Variants in MYH6 observed in about 807,000 individuals in gnomAD.
The protein encoded by MYH6 is myosin-6.
A neutral mutation model predicts 223.2 loss-of-function variants in MYH6; 126 were observed. That is an observed-to-expected ratio of 0.56 (90% CI 0.49 to 0.65). MYH6 has a LOEUF of 0.65. MYH6 is among the 30% of genes least tolerant of loss of function. The pLI, the probability that MYH6 is intolerant of heterozygous loss-of-function variation, is 0.00. For missense variants in MYH6, 2,040 were observed against 2,536.4 expected (o/e 0.80, Z 4.20); for synonymous variants, 978 against 1,010.2 (o/e 0.97, Z 0.61).
chr14:23,388,189 G>A lies in MYH6; in HGVS notation c.4325C>T (p.Ala1442Val), dbSNP rs141534763. 23 of 1,612,334 alleles carry A rather than the reference G, an allele frequency of 1.4e-5. No individual in the cohort carries two copies. In the East Asian group the frequency reaches 4.7e-4, roughly 33 times the overall value. ...GTTTCTCTGCTTCTTGTCCAGGGCT[G>A]CAGCAGCAGCATTGGAGCGCTCTAC... ...VDVERSNAAA[A>V]ALDKKQRNFD... is the part of the protein sequence containing the mutation. The change falls in exon 30 of 39, where the codon GCA becomes GTA. Residue 1442 changes from alanine to valine, a missense_variant. By Grantham distance (64) the Ala-to-Val change is moderately conservative. This residue lies in a region of MYH6 where 1,203 missense variants were observed against 1,400.2 expected (regional missense o/e 0.86). Coordinates refer to ENST00000405093, the MANE Select transcript of MYH6 (RefSeq NM_002471.4).
chr14:23,384,615 G>A lies in MYH6; in HGVS notation c.5392C>T (p.Arg1798Trp), dbSNP rs767251436. The change falls in exon 36 of 39, where the codon CGG becomes TGG. Residue 1798 changes from arginine (R) to tryptophan (W), a missense_variant. By Grantham distance (101) the Arg-to-Trp change is moderately radical. This residue lies in a region of MYH6 where 1,203 missense variants were observed against 1,400.2 expected (regional missense o/e 0.86). Coordinates refer to ENST00000405093, the MANE Select transcript of MYH6 (RefSeq NM_002471.4). ...GCGATCTGCTCGGCCTCGTCCAGCC[G>A]GTGCTGCAGGTCCTTAATGGTCTGC... ...MEQTIKDLQH[R>W]LDEAEQIALK... is the part of the protein sequence containing the mutation. The A allele has an allele frequency of 7.4e-6, 12 of 1,613,900 alleles. No homozygotes were observed. The highest frequency in any genetic ancestry group is 1.7e-4 in the Middle Eastern group (1 of 5,796).
intron 25 of MYH6, 93 bp from the exon 26 acceptor site, chr14:23,390,539 C>T: frequency 6.5e-7 from 1 of 1,546,722 alleles, no homozygotes; most frequent in Non-Finnish European, 8.7e-7. Context: ...TTAGGTTCCT[C>T]TCAAGCAGTG....
In MYH6 at chr14:23,388,148, G is replaced by T; in HGVS notation, c.4359+7C>A. The stretch of plus-strand genomic sequence containing the variant: ...CATGCTGGCTGCGGCCCCCGCCCAT[G>T]GTCCACCTTGTCAAAGTTTCTCTGC... On this transcript the variant is annotated splice_region_variant and intron_variant, in intron 30 of 38. Coordinates refer to ENST00000405093, the MANE Select transcript of MYH6 (RefSeq NM_002471.4). 6.2e-7 allele frequency: 1 copy of T among 1,612,194 alleles called. No individual in the cohort carries two copies. Among genetic ancestry groups the T allele is most frequent in the Non-Finnish European group, 8.5e-7 (1 of 1,180,018 alleles).
At position 23,403,055 on chromosome 14, in the gene MYH6, A is replaced by G. The variant is rs538604547; in HGVS notation, c.899-255T>C. 1.3e-4 allele frequency among the ~76,000 whole-genome samples: 20 copies of G among 151,802 alleles called. No homozygotes were observed. In the South Asian group the frequency reaches 4.0e-3, roughly 30 times the overall value. On this transcript the variant is annotated intron_variant, in intron 10 of 38. Transcript: ENST00000405093. ...GAGGAGGGAGGGTGGCAGGGGAGTG[A>G]CACATGGGAGATGGGGAGGCAAATA...
At chr14:23,394,869 A>C (rs1284459223) in intron 20 of MYH6, among the ~76,000 whole-genome samples, 2 of 152,018 alleles carry the variant, frequency 1.3e-5, no homozygotes, top group Admixed American at 6.6e-5. Context: ...TTTTTATTTT[A>C]CTTTATTTAT....
At position 23,387,914 on chromosome 14, in the gene MYH6, C is replaced by T. The variant is rs267606905; in HGVS notation, c.4369G>A (p.Glu1457Lys). 23 of 1,613,642 alleles carry T rather than the reference C, an allele frequency of 1.4e-5. No homozygotes were observed. Among genetic ancestry groups the T allele is most frequent in the Admixed American group, 1.0e-4 (6 of 60,008 alleles). The change falls in exon 31 of 39, where the codon GAG becomes AAG. Residue 1457 changes from glutamate (E) to lysine (K), a missense_variant. Around this residue, in one of 4 missense-constraint regions of MYH6, gnomAD observed 1,203 missense variants for 1,400.2 expected, o/e 0.86. Transcript: ENST00000405093. ...GACTCCTCATACTTCTGCTTCCACT[C>T]GGCCAGGATCTGCCCGGGGACAAGG... is the stretch of plus-strand genomic sequence containing the variant. ...KQRNFDKILAEWKQKYEESQS... is the reference protein window; with the variant it reads ...KQRNFDKILAKWKQKYEESQS...
intron 36 of MYH6, among the ~76,000 whole-genome samples, chr14:23,383,795 C>G (rs969266054): frequency 6.6e-6 from 1 of 152,188 alleles, no homozygotes; most frequent in Non-Finnish European, 1.5e-5. Flanking sequence ...TCACTGGCTC[C>G]AACGTCACTC....
At chr14:23,406,279 C>T (rs1485660835) in intron 3 of MYH6, among the ~76,000 whole-genome samples, 2 of 152,220 alleles carry the variant, frequency 1.3e-5, no homozygotes, top group Admixed American at 6.5e-5. Flanking sequence ...GTTTGCCATG[C>T]CCTGATGTCA....
In MYH6 at chr14:23,394,154, T is replaced by C. The variant is rs397516759; in HGVS notation, c.2599A>G (p.Lys867Glu). The C allele has an allele frequency of 6.2e-7, 1 of 1,614,204 alleles. No individual in the cohort carries two copies. Among genetic ancestry groups the C allele is most frequent in the Admixed American group, 1.7e-5 (1 of 60,022 alleles). Residue 867 changes from lysine (K) to glutamate (E), a missense_variant, in exon 21 of 39, where the codon AAG (lysine) becomes GAG (glutamate). Lys to Glu is a moderately conservative substitution (Grantham distance 56). Around this residue, in one of 4 missense-constraint regions of MYH6, gnomAD observed 1,203 missense variants for 1,400.2 expected, o/e 0.86. Transcript: ENST00000405093. Reference sequence around the variant, plus strand: ...AGCTCCTTGCGGCGAGCCTCGGACTTCTCCAGCGTCTCTTTGATGCGCCCG... The same window carrying C: ...AGCTCCTTGCGGCGAGCCTCGGACTCCTCCAGCGTCTCTTTGATGCGCCCG... ...EFGRIKETLE[K>E]SEARRKELEE...
Position 23,404,330 on chromosome 14 carries a change from G to A in MYH6, c.701C>T (p.Ala234Val). 1 of 1,614,232 alleles carries A rather than the reference G, an allele frequency of 6.2e-7. No individual in the cohort carries two copies. The highest frequency in any genetic ancestry group is 8.5e-7 in the Non-Finnish European group (1 of 1,180,020). The part of the protein sequence containing the change: ...ANPALEAFGN[A>V]KTVRNDNSSR... Reference sequence around the variant, plus strand: ...GGAGTTGTCGTTCCGGACAGTCTTGGCATTGCCGAAGGCCTCCAGAGCGGG... The same window carrying A: ...GGAGTTGTCGTTCCGGACAGTCTTGACATTGCCGAAGGCCTCCAGAGCGGG... The change falls in exon 8 of 39, where the codon GCC (alanine) becomes GTC (valine). Residue 234 changes from alanine (A) to valine (V), a missense_variant. Ala to Val is a moderately conservative substitution (Grantham distance 64). Transcript: ENST00000405093.
chr14:23,402,850 G>T, intron 10 of MYH6, 50 bp from the exon 11 acceptor site: 3 of 1,419,838 alleles, frequency 2.1e-6, no homozygotes, highest in South Asian at 1.2e-5. Context: ...GCGGAGGGCA[G>T]GGAAGGGGCA....
chr14:23,383,339 G>GCCCCC lies in MYH6; in HGVS notation c.5566-20_5566-19insGGGGG. 9.2e-6 allele frequency: 1 copy of GCCCCC among 108,196 alleles called. No homozygotes were observed. 6.7% of individuals were successfully genotyped at this position (108,196 alleles called of 1,614,324 possible). On this transcript the variant is annotated intron_variant, in intron 36 of 38. Coordinates refer to ENST00000405093, the MANE Select transcript of MYH6 (RefSeq NM_002471.4). ...CCTCTGTCTGGGGGTGGGAGGGTGG[G>GCCCCC]AGAAGCTGGTTTGGAGGGGGAGCAA...
chr14:23,389,072 G>GGGGGGGGGC lies in MYH6; in HGVS notation c.3979-18_3979-17insGCCCCCCCC. 1.8e-6 allele frequency: 2 copies of GGGGGGGGGC among 1,135,164 alleles called. No individual in the cohort carries two copies. Among genetic ancestry groups the GGGGGGGGGC allele is most frequent in the Non-Finnish European group, 2.6e-6 (2 of 774,144 alleles). 70.3% of individuals were successfully genotyped at this position (1,135,164 alleles called of 1,614,324 possible). On this transcript the variant is annotated splice_polypyrimidine_tract_variant and intron_variant, in intron 28 of 38. Coordinates refer to ENST00000405093, the MANE Select transcript of MYH6 (RefSeq NM_002471.4). ...GTTCTTCGCCTGGGGAGGGGGGGGG[G>GGGGGGGGGC]CACCAGGAGGTGGGAGGGACTCCCT... is the stretch of plus-strand genomic sequence containing the variant.
intron 37 of MYH6, 99 bp downstream of exon 37, chr14:23,383,125 AT>A: frequency 9.2e-7 from 1 of 1,090,472 alleles, no homozygotes. Flanking sequence ...GTTAAAGTTT[AT>A]AGCAAACTCT....
Position 23,386,338 on chromosome 14 carries a change from T to C in MYH6, c.4936A>G (p.Lys1646Glu), listed in dbSNP as rs565763606. Residue 1646 changes from lysine (K) to glutamate (E), a missense_variant, in exon 33 of 39, where the codon AAG (lysine) becomes GAG (glutamate). Physicochemically the swap from Lys to Glu is moderately conservative, Grantham distance 56. Coordinates refer to ENST00000405093, the MANE Select transcript of MYH6 (RefSeq NM_002471.4). ...ACCTTCAGCAAGCTCTGGAGGCTCT[T>C]GACTTGCTTCTGGGCCTCGGCAGCC... ...RMAAEAQKQV[K>E]SLQSLLKDTQ... 1 of 1,614,132 alleles carries C rather than the reference T, an allele frequency of 6.2e-7. No individual in the cohort carries two copies. The highest frequency in any genetic ancestry group is 1.3e-5 in the African/African-American group (1 of 75,052).
At chr14:23,400,540 G>C in intron 13 of MYH6, 114 bp from the exon 14 acceptor site, 2 of 1,587,698 alleles carry the variant, frequency 1.3e-6, no homozygotes, top group Non-Finnish European at 1.7e-6. Context: ...CTCCATGTCA[G>C]GGCAGTGGAG....
At chr14:23,388,088 G>T (rs552876892) in intron 30 of MYH6, 67 bp downstream of exon 30, 1 of 1,611,178 alleles carries the variant, frequency 6.2e-7, no homozygotes, top group East Asian at 2.2e-5. Flanking sequence ...GTTGCCTTTG[G>T]CCTCTCACTG....
chr14:23,383,539 G>A lies in MYH6; in HGVS notation c.5566-219C>T, dbSNP rs566252715. Among the ~76,000 whole-genome samples, 3 of 152,304 alleles carry A rather than the reference G, an allele frequency of 2.0e-5. No homozygotes were observed. In the East Asian group the frequency reaches 5.8e-4, roughly 29 times the overall value. On this transcript the variant is annotated intron_variant, in intron 36 of 38. Coordinates refer to ENST00000405093, the MANE Select transcript of MYH6 (RefSeq NM_002471.4). ...GATCCACAGAGCAATGAAGGCTGAA[G>A]TCATAAAGCTAGAAGTAGGGGGAGG...
intron 25 of MYH6, among the ~76,000 whole-genome samples, 164 bp downstream of exon 25, chr14:23,392,398 T>C (rs1595055259): frequency 6.6e-6 from 1 of 152,070 alleles, no homozygotes; most frequent in African/African-American, 2.4e-5. Context: ...TCTTGCTCTA[T>C]GGGGGAAGGC....
Sources: allele counts gnomAD v4.1 joint callset (sites outside exome capture counted in the v4.1 genomes callset), GRCh38; gene constraint gnomAD v4.1.1; regional missense constraint gnomAD v4.1.1; transcripts MANE v1.5; gene names NCBI Gene and HGNC (gene_info 2026-07-23, HGNC 2026-07-21).